Variants in LARP4B observed in about 807,000 individuals in gnomAD.
LARP4B encodes the protein La ribonucleoprotein 4B.
Under a neutral mutation model 89.8 loss-of-function variants are expected in LARP4B, and 12 were observed. The ratio of observed to expected loss-of-function variants is 0.13; its 90% CI spans 0.09 to 0.22. The LOEUF is 0.22. Among genes scored for constraint, LARP4B ranks in the 10% least tolerant of loss-of-function variants. The pLI, the probability that LARP4B is intolerant of heterozygous loss-of-function variation, is 1.00. For synonymous variants in LARP4B, 367 were observed against 363.3 expected (o/e 1.01, Z -0.12); for missense variants, 757 against 947.7 (o/e 0.80, Z 2.64).
In LARP4B at chr10:810,840, T is replaced by G. The variant is rs1831721867; in HGVS notation, c.*2086A>C. 1 of 152,128 alleles carries G rather than the reference T, an allele frequency of 6.6e-6. No individual in the cohort carries two copies. Among genetic ancestry groups the G allele is most frequent in the Admixed American group, 6.5e-5 (1 of 15,268 alleles). The allele number at this position is 152,128 out of a possible 1,614,324, so 9.4% of individuals were successfully genotyped here. On this transcript the variant is annotated 3_prime_UTR_variant, in exon 18 of 18. Transcript: ENST00000316157. ...CAACTACAAAAAAAAATCCCCATGTTCTTTAAAATGCATTTGAAAAACACT... is the reference window on the plus strand; with the variant it reads ...CAACTACAAAAAAAAATCCCCATGTGCTTTAAAATGCATTTGAAAAACACT...
the LARP4B span, among the ~76,000 whole-genome samples, chr10:963,035 T>C: frequency 1.3e-5 from 2 of 152,298 alleles, no homozygotes; most frequent in African/African-American, 4.8e-5. Flanking sequence ...CACTCTAAGC[T>C]TGCACTAAAC....
At chr10:861,432 A>G (rs999235724) in intron 5 of LARP4B, among the ~76,000 whole-genome samples, 1 of 152,200 alleles carries the variant, frequency 6.6e-6, no homozygotes, top group African/African-American at 2.4e-5. Flanking sequence ...AATGCTTTAT[A>G]GGAGTGAGAG....
the LARP4B span, among the ~76,000 whole-genome samples, chr10:977,546 G>GA: frequency 2.8e-3 from 345 of 124,660 alleles, no homozygotes; most frequent in Middle Eastern, 3.9e-3. Context: ...TCCTATCTCA[G>GA]AAAAAAAAAA....
At chr10:910,763 C>CT (rs1345598076) in intron 1 of LARP4B, among the ~76,000 whole-genome samples, 2 of 152,212 alleles carry the variant, frequency 1.3e-5, no homozygotes, top group African/African-American at 4.8e-5. Flanking sequence ...ATAGAGCATG[C>CT]TTTTAAGATT....
chr10:958,481 G>A, the LARP4B span, among the ~76,000 whole-genome samples: 1 of 152,310 alleles, frequency 6.6e-6, no homozygotes, highest in African/African-American at 2.4e-5. Context: ...CCTTTCTCTT[G>A]ATGGCTGCCA....
chr10:959,260 G>T, the LARP4B span, among the ~76,000 whole-genome samples: 1 of 152,150 alleles, frequency 6.6e-6, no homozygotes, highest in East Asian at 1.9e-4. Context: ...TGATGCAACT[G>T]CTGGGAAGGG....
intron 3 of LARP4B, among the ~76,000 whole-genome samples, chr10:877,317 G>C (rs1175795398): frequency 6.6e-6 from 1 of 152,072 alleles, no homozygotes; most frequent in African/African-American, 2.4e-5. Context: ...AAAGTTCAAG[G>C]CTGCAGTGAG....
intron 5 of LARP4B, among the ~76,000 whole-genome samples, chr10:854,270 G>A (rs974306224): frequency 1.3e-5 from 2 of 152,104 alleles, no homozygotes; most frequent in Admixed American, 6.5e-5. Flanking sequence ...TGGAATCAAC[G>A]CCTCTGGTTA....
the LARP4B span, among the ~76,000 whole-genome samples, chr10:958,311 G>C: frequency 6.6e-6 from 1 of 152,066 alleles, no homozygotes; most frequent in African/African-American, 2.4e-5. Context: ...CCACTGTCAG[G>C]CCCAGGGACA....
intron 1 of LARP4B, among the ~76,000 whole-genome samples, chr10:908,531 T>A (rs566391463): frequency 1.3e-5 from 2 of 149,600 alleles, no homozygotes; most frequent in African/African-American, 4.9e-5. Flanking sequence ...GGATGAGCCC[T>A]CATTCTGTGG....
intron 3 of LARP4B, among the ~76,000 whole-genome samples, chr10:880,527 A>G (rs1835628101): frequency 1.3e-5 from 2 of 152,220 alleles, no homozygotes; most frequent in East Asian, 3.9e-4. Context: ...CTCTACGAAA[A>G]ATACAAAAAT....
rs754307483 is a variant in LARP4B, at chr10:822,463, T to A, written c.1485-1618A>T. On this transcript the variant is annotated intron_variant, in intron 13 of 17. Transcript: ENST00000316157. The surrounding 1 kb of genome is among the most constrained non-coding windows in gnomAD (Gnocchi z 4.6). ...GTCCAGGACACAGACCTGCCTGCCATGGGGTCCTATCCCAGTCACCATCAG... is the reference window on the plus strand; with the variant it reads ...GTCCAGGACACAGACCTGCCTGCCAAGGGGTCCTATCCCAGTCACCATCAG... Among the ~76,000 whole-genome samples the A allele has an allele frequency of 3.1e-4, 47 of 152,296 alleles. No homozygotes were observed. Among genetic ancestry groups the A allele is most frequent in the Non-Finnish European group, 6.5e-4 (44 of 68,006 alleles).
intron 9 of LARP4B, among the ~76,000 whole-genome samples, 188 bp from the exon 10 acceptor site, chr10:829,922 G>T (rs537556930): frequency 1.5e-4 from 23 of 152,260 alleles, no homozygotes; most frequent in Admixed American, 1.3e-3. Context: ...GCTATGGAAC[G>T]TGTACCCCAA....
chr10:972,653 G>A, the LARP4B span: 28 of 457,184 alleles, frequency 6.1e-5, 1 homozygote, highest in East Asian at 1.4e-4. Flanking sequence ...TATGTAAGCC[G>A]TTTGACTGGT....
intron 8 of LARP4B, among the ~76,000 whole-genome samples, chr10:834,433 T>A (rs1013210135): frequency 6.6e-6 from 1 of 152,210 alleles, no homozygotes; most frequent in African/African-American, 2.4e-5. Context: ...GTATTTAAAA[T>A]GTACTAATCA....
chr10:853,841 T>C (rs957417520), intron 5 of LARP4B, among the ~76,000 whole-genome samples: 10 of 152,310 alleles, frequency 6.6e-5, no homozygotes, highest in Non-Finnish European at 1.3e-4. Context: ...GGCAATTTCT[T>C]AAGACAACAG....
At position 859,530 on chromosome 10, in the gene LARP4B, T is replaced by C. The variant is rs955519331; in HGVS notation, c.430+4213A>G. ...ATCCAGCAATCACACTCCTGGGTAT[T>C]TACCCAAAGGAGTTAAAAACTTCCT... On this transcript the variant is annotated intron_variant, in intron 5 of 17. Transcript: ENST00000316157. Among the ~76,000 whole-genome samples, 4 of 152,146 alleles carry C rather than the reference T, an allele frequency of 2.6e-5. No individual in the cohort carries two copies. In the South Asian group the frequency reaches 8.3e-4, roughly 32 times the overall value.
At chr10:808,751 G>GCACACA (rs141536087), downstream of LARP4B, 12 of 94,606 alleles carry the variant, frequency 1.3e-4, no homozygotes, top group African/African-American at 3.3e-4. Context: ...GCGTGTGCAC[G>GCACACA]CACACACACA....
At chr10:896,294 C>A (rs1836186546) in intron 1 of LARP4B, among the ~76,000 whole-genome samples, 1 of 152,206 alleles carries the variant, frequency 6.6e-6, no homozygotes, top group Admixed American at 6.5e-5. Context: ...CTTATTCTCT[C>A]CTCACAAAAC....
Sources: allele counts gnomAD v4.1 joint callset (sites outside exome capture counted in the v4.1 genomes callset), GRCh38; gene constraint gnomAD v4.1.1; non-coding constraint Gnocchi (gnomAD v3.1); transcripts MANE v1.5; gene names NCBI Gene and HGNC (gene_info 2026-07-23, HGNC 2026-07-21).